Variants in RCAN3 observed in about 807,000 individuals in gnomAD.
RCAN3 encodes regulator of calcineurin 3, also known as calcipressin-3.
Under a neutral mutation model 21.9 loss-of-function variants are expected in RCAN3, and 19 were observed. The observed-to-expected ratio is 0.87, with a 90% CI of 0.61 to 1.27. The LOEUF (loss-of-function observed/expected upper bound fraction) is 1.27. Ranked by LOEUF, RCAN3 falls within the 50% of genes most tolerant of loss-of-function variation. RCAN3 has a pLI of 0.00. For missense variants in RCAN3, 240 were observed against 300.1 expected (o/e 0.80, Z 1.48); for synonymous variants, 114 against 112.3 (o/e 1.01, Z -0.09).
chr1:24,531,661 G>A (rs959883501), intron 3 of RCAN3, among the ~76,000 whole-genome samples: 1 of 152,168 alleles, frequency 6.6e-6, no homozygotes, highest in African/African-American at 2.4e-5. Flanking sequence ...GGGACTCTGC[G>A]TGGGTTACGC....
Position 24,536,939 on chromosome 1 carries a change from A to G in RCAN3, c.*1662A>G, listed in dbSNP as rs1431632425. 2.0e-5 allele frequency: 3 copies of G among 152,122 alleles called. No homozygotes were observed. Among genetic ancestry groups the G allele is most frequent in the Non-Finnish European group, 1.5e-5 (1 of 68,016 alleles). The allele number at this position is 152,122 out of a possible 1,614,324, so 9.4% of individuals were successfully genotyped here. A position where few individuals can be genotyped will look rare whatever the true frequency, so the allele number is the denominator to read the frequency against. ...GTTGAAATTTGCAATTCTATCAGCA[A>G]TTTAATGTATTGAATTCAGATCATC... On this transcript the variant is annotated 3_prime_UTR_variant, in exon 5 of 5. Coordinates refer to ENST00000374395, the MANE Select transcript of RCAN3 (RefSeq NM_013441.4).
chr1:24,540,221 T>C lies in RCAN3; in HGVS notation c.*4944T>C, dbSNP rs1019925080. On this transcript the variant is annotated 3_prime_UTR_variant, in exon 5 of 5. Coordinates refer to ENST00000374395, the MANE Select transcript of RCAN3 (RefSeq NM_013441.4). ...TCACTGACAAAGATTATAAAAATCATCACGTTCAAAGTAGAGTTTTTAGCC... is the reference window on the plus strand; with the variant it reads ...TCACTGACAAAGATTATAAAAATCACCACGTTCAAAGTAGAGTTTTTAGCC... 1.3e-5 allele frequency: 2 copies of C among 152,378 alleles called. No homozygotes were observed. The highest frequency in any genetic ancestry group is 6.5e-5 in the Admixed American group (1 of 15,278). The allele number at this position is 152,378 out of a possible 1,614,324, so 9.4% of individuals were successfully genotyped here. A position where few individuals can be genotyped will look rare whatever the true frequency, so the allele number is the denominator to read the frequency against.
intron 3 of RCAN3, 99 bp from the exon 4 acceptor site, chr1:24,532,984 T>TAAAAA (rs1448042309): frequency 1.4e-6 from 1 of 730,232 alleles, no homozygotes; most frequent in African/African-American, 2.0e-5. Flanking sequence ...AAGAAATGTT[T>TAAAAA]AATTTTCTAC....
chr1:24,518,611 G>A (rs1648535986), intron 2 of RCAN3, among the ~76,000 whole-genome samples: 1 of 151,444 alleles, frequency 6.6e-6, no homozygotes, highest in Non-Finnish European at 1.5e-5. Context: ...TTTTAAAAAA[G>A]CAACAGGGTC....
chr1:24,530,132 C>T (rs1291777720), intron 2 of RCAN3, among the ~76,000 whole-genome samples: 1 of 151,568 alleles, frequency 6.6e-6, no homozygotes, highest in Non-Finnish European at 1.5e-5. Context: ...GAGGATAGAT[C>T]ACTTGAGCCC....
intron 1 of RCAN3, among the ~76,000 whole-genome samples, chr1:24,508,664 C>T (rs551422847): frequency 6.6e-6 from 1 of 152,270 alleles, no homozygotes; most frequent in East Asian, 1.9e-4. Flanking sequence ...TGAGACCTGA[C>T]ACTGGGTTTC....
chr1:24,528,264 AAAAG>A (rs1403375674), intron 2 of RCAN3, among the ~76,000 whole-genome samples: 2 of 138,658 alleles, frequency 1.4e-5, no homozygotes, highest in Admixed American at 6.9e-5. Flanking sequence ...GAAAAAAAAA[AAAAG>A]AAAAAAAGAA....
In RCAN3 at chr1:24,540,081, G is replaced by A. The variant is rs1291761711; in HGVS notation, c.*4804G>A. The A allele has an allele frequency of 1.3e-5, 2 of 152,148 alleles. No homozygotes were observed. The highest frequency in any genetic ancestry group is 2.9e-5 in the Non-Finnish European group (2 of 68,042). The allele number at this position is 152,148 out of a possible 1,614,324, so 9.4% of individuals were successfully genotyped here. A position where few individuals can be genotyped will look rare whatever the true frequency, so the allele number is the denominator to read the frequency against. On this transcript the variant is annotated 3_prime_UTR_variant, in exon 5 of 5. Transcript: ENST00000374395. Reference sequence around the variant, plus strand: ...TCCCCTCGGTGTATGGATCATCTTCGTCAGAATGCCGTTGTTTCATTGTGA... The same window carrying A: ...TCCCCTCGGTGTATGGATCATCTTCATCAGAATGCCGTTGTTTCATTGTGA...
chr1:24,515,861 G>A (rs111832659), intron 2 of RCAN3, among the ~76,000 whole-genome samples: 3 of 152,174 alleles, frequency 2.0e-5, no homozygotes, highest in African/African-American at 7.2e-5. Context: ...ACACTTGAAA[G>A]TGGCCGGGCG....
In RCAN3 at chr1:24,538,571, ATT is replaced by A. The variant is rs34827408; in HGVS notation, c.*3313_*3314del. ...AGGCGCCCGCTCCCACGCCCGGCTA[ATT>A]TTTTTTTTTTTTTTTTTTATAAGTA... is the stretch of plus-strand genomic sequence containing the variant. On this transcript the variant is annotated 3_prime_UTR_variant, in exon 5 of 5. Transcript: ENST00000374395. 1.1e-4 allele frequency: 14 copies of A among 127,516 alleles called. No homozygotes were observed. The highest frequency in any genetic ancestry group is 2.3e-4 in the Admixed American group (3 of 12,990). The allele number at this position is 127,516 out of a possible 1,614,324, so 7.9% of individuals were successfully genotyped here. A position where few individuals can be genotyped will look rare whatever the true frequency, so the allele number is the denominator to read the frequency against.
At chr1:24,518,301 G>A (rs1474234625) in intron 2 of RCAN3, among the ~76,000 whole-genome samples, 1 of 152,094 alleles carries the variant, frequency 6.6e-6, no homozygotes, top group East Asian at 1.9e-4. Context: ...CTTTGCTCTA[G>A]ATCATTAGAT....
rs1282813862 is a variant in RCAN3, at chr1:24,525,732, T to G, written c.196-5486T>G. On this transcript the variant is annotated intron_variant, in intron 2 of 4. Coordinates refer to ENST00000374395, the MANE Select transcript of RCAN3 (RefSeq NM_013441.4). The surrounding 1 kb of genome is among the most constrained non-coding windows in gnomAD (Gnocchi z 4.1). ...TCCTTCCTGTTTATCGCAAGTCATT[T>G]TCAGTCCATTTTCATAGATTATGTC... is the stretch of plus-strand genomic sequence containing the variant. 6.6e-6 allele frequency among the ~76,000 whole-genome samples: 1 copy of G among 152,192 alleles called. No individual in the cohort carries two copies. Among genetic ancestry groups the G allele is most frequent in the Non-Finnish European group, 1.5e-5 (1 of 68,028 alleles).
intron 2 of RCAN3, among the ~76,000 whole-genome samples, chr1:24,524,827 T>G (rs1038534669): frequency 1.8e-5 from 2 of 112,420 alleles, no homozygotes; most frequent in East Asian, 2.7e-4. Context: ...TGTTTTCTTT[T>G]GTTTTTTTTT....
chr1:24,524,712 A>G (rs555673913), intron 2 of RCAN3, among the ~76,000 whole-genome samples: 1 of 152,314 alleles, frequency 6.6e-6, no homozygotes, highest in African/African-American at 2.4e-5. Flanking sequence ...AGAAAGACGT[A>G]GAATATAAAT....
rs1449862864 is a variant in RCAN3, at chr1:24,525,583, C to A, written c.196-5635C>A. Reference sequence around the variant, plus strand: ...TTTTCTCAAATAAATATGCGGCCATCACCCAACAGGATGATGTTAATTTTA... The same window carrying A: ...TTTTCTCAAATAAATATGCGGCCATAACCCAACAGGATGATGTTAATTTTA... On this transcript the variant is annotated intron_variant, in intron 2 of 4. Transcript: ENST00000374395. The surrounding 1 kb of genome is among the most constrained non-coding windows in gnomAD (Gnocchi z 4.1). 6.6e-6 allele frequency among the ~76,000 whole-genome samples: 1 copy of A among 152,200 alleles called. No individual in the cohort carries two copies. Among genetic ancestry groups the A allele is most frequent in the Non-Finnish European group, 1.5e-5 (1 of 68,040 alleles).
intron 2 of RCAN3, among the ~76,000 whole-genome samples, chr1:24,524,828 G>GTTTTTTTTTTTTTTTTTTTTT: frequency 1.6e-5 from 2 of 127,232 alleles, no homozygotes; most frequent in Non-Finnish European, 3.3e-5. Flanking sequence ...GTTTTCTTTT[G>GTTTTTTTTTTTTTTTTTTTTT]TTTTTTTTTT....
At chr1:24,515,427 GGTGTGT>G (rs67348372) in intron 2 of RCAN3, among the ~76,000 whole-genome samples, 4,837 of 146,428 alleles carry the variant, frequency 0.033, 140 homozygotes, top group African/African-American at 0.072. Context: ...TAGAAAGAGA[GGTGTGT>G]GTGTGTGTGT....
At position 24,532,985 on chromosome 1, in the gene RCAN3, A is replaced by C. The variant is rs545456425; in HGVS notation, c.370-98A>C. 7.6e-5 allele frequency: 38 copies of C among 501,238 alleles called. No individual in the cohort carries two copies. The African/African-American group carries it at 7.8e-4, about 10-fold the overall frequency. 31.0% of individuals were successfully genotyped at this position (501,238 alleles called of 1,614,324 possible). Reference sequence around the variant, plus strand: ...AAAAAAAAAAAAAAAAGAAATGTTTAATTTTCTACAAAAAGATGGAACAGT... The same window carrying C: ...AAAAAAAAAAAAAAAAGAAATGTTTCATTTTCTACAAAAAGATGGAACAGT... On this transcript the variant is annotated intron_variant, in intron 3 of 4. Transcript: ENST00000374395.
chr1:24,514,527 G>T lies in RCAN3; in HGVS notation c.155G>T (p.Cys52Phe), dbSNP rs1648137920. 1 of 1,613,920 alleles carries T rather than the reference G, an allele frequency of 6.2e-7. No individual in the cohort carries two copies. Among genetic ancestry groups the T allele is most frequent in the Admixed American group, 1.7e-5 (1 of 59,994 alleles). The change falls in exon 2 of 5, where the codon TGC becomes TTC. Residue 52 changes from cysteine to phenylalanine, a missense_variant. Coordinates refer to ENST00000374395, the MANE Select transcript of RCAN3 (RefSeq NM_013441.4). ...GATCTGCCTACCTCACTTTTTGCTT[G>T]CAGCGTCCATGAAGCAGTGTTTGAG... ...LSDLPTSLFA[C>F]SVHEAVFEAR...
Sources: gnomAD v4.1 joint callset for allele counts (sites outside exome capture counted in the v4.1 genomes callset) on GRCh38, gnomAD v4.1.1 for gene constraint, Gnocchi (gnomAD v3.1) non-coding constraint, MANE v1.5 for transcripts, NCBI Gene and HGNC (gene_info 2026-07-23, HGNC 2026-07-21) for gene names.